SMOX: variants seen among roughly 807,000 people sequenced by gnomAD.
The protein encoded by SMOX is flavin containing amine oxidase.
SMOX carries 22 observed loss-of-function variants against 51.0 expected under a neutral mutation model. The ratio of observed to expected loss-of-function variants is 0.43; its 90% confidence interval spans 0.31 to 0.62. The LOEUF is 0.62. Ranked by LOEUF, SMOX falls within the 20% of genes least tolerant of loss-of-function variation. The pLI is 0.10. For synonymous variants in SMOX, 282 were observed against 307.8 expected, an observed-to-expected ratio of 0.92 and a Z score of 0.88; for missense variants, 566 against 777.7, an observed-to-expected ratio of 0.73 and a Z score of 3.24.
At chr20:4,160,975 G>T (rs1986283393) in intron 1 of SMOX, among the ~76,000 whole-genome samples, 1 of 152,232 alleles carries the variant, frequency 6.6e-6, no homozygotes, top group Non-Finnish European at 1.5e-5. Context: ...GTTGGGCTTT[G>T]TGCAGAGTCA....
chr20:4,175,306 C>T, intron 2 of SMOX, 43 bp downstream of exon 2: 5 of 1,579,478 alleles, frequency 3.2e-6, no homozygotes, highest in African/African-American at 1.3e-5. Context: ...CCCAGGTCAC[C>T]TTTAGTCTCC....
chr20:4,171,506 G>A (rs1014266018), intron 1 of SMOX, among the ~76,000 whole-genome samples: 1 of 152,192 alleles, frequency 6.6e-6, no homozygotes, highest in African/African-American at 2.4e-5. Flanking sequence ...GGGCTGTGTA[G>A]GGGGCTCCTC....
Position 4,153,808 on chromosome 20 carries a change from C to T in SMOX, c.-27+4831C>T, listed in dbSNP as rs553393887. On this transcript the variant is annotated intron_variant, in intron 1 of 6. Coordinates refer to ENST00000305958, the MANE Select transcript of SMOX (RefSeq NM_175839.3). The surrounding 1 kb of genome is among the most constrained non-coding windows in gnomAD (Gnocchi z 4.4). ...CTGTCCACGGTGCCCAAGTCCTTGT[C>T]TGCTGAGTCGAAGTGAAGGCTGTGG... Among the ~76,000 whole-genome samples, 3 of 152,264 alleles carry T rather than the reference C, an allele frequency of 2.0e-5. No homozygotes were observed. The highest frequency in any genetic ancestry group is 4.4e-5 in the Non-Finnish European group (3 of 68,008).
intron 1 of SMOX, among the ~76,000 whole-genome samples, chr20:4,156,414 T>G (rs1403334906): frequency 6.6e-6 from 1 of 152,092 alleles, no homozygotes; most frequent in Non-Finnish European, 1.5e-5. Context: ...GAGAGAGAGA[T>G]GCCAGGCTCC....
Position 4,153,305 on chromosome 20 carries a change from A to G in SMOX, c.-27+4328A>G, listed in dbSNP as rs1985853984. On this transcript the variant is annotated intron_variant, in intron 1 of 6. Transcript: ENST00000305958. This position sits in a 1 kb window ranked among gnomAD's most constrained non-coding sequence, Gnocchi z 4.4. ...TTCTGGGTTTAGCATTGCCCTCGTC[A>G]TCTGCCTGTAAAATGGGATTAGAGG... Among the ~76,000 whole-genome samples, 1 of 152,200 alleles carries G rather than the reference A, an allele frequency of 6.6e-6. No individual in the cohort carries two copies.
chr20:4,181,097 C>T lies in SMOX; in HGVS notation c.436-706C>T, dbSNP rs773694904. Among the ~76,000 whole-genome samples, 5 of 152,188 alleles carry T rather than the reference C, an allele frequency of 3.3e-5. No homozygotes were observed. Among genetic ancestry groups the T allele is most frequent in the Admixed American group, 1.3e-4 (2 of 15,280 alleles). ...GACCCCTTTTCAAGTGACTGATCGT[C>T]GTTATCTGTTGATGAGGTGTGGGCT... On this transcript the variant is annotated intron_variant, in intron 3 of 6. Coordinates refer to ENST00000305958, the MANE Select transcript of SMOX (RefSeq NM_175839.3). The surrounding 1 kb of genome is among the most constrained non-coding windows in gnomAD (Gnocchi z 5.6).
At chr20:4,175,374 C>T (rs1389656448) in intron 2 of SMOX, 111 bp downstream of exon 2, 1 of 1,268,168 alleles carries the variant, frequency 7.9e-7, no homozygotes, top group African/African-American at 1.5e-5. Flanking sequence ...AATGTTCCAT[C>T]ATGCATCCTG....
At chr20:4,180,165 G>T (rs1009209706) in intron 3 of SMOX, among the ~76,000 whole-genome samples, 7 of 152,204 alleles carry the variant, frequency 4.6e-5, no homozygotes, top group Non-Finnish European at 7.3e-5. Flanking sequence ...TCCAGCTAAG[G>T]CTCACCACTC....
chr20:4,149,943 A>G lies in SMOX; in HGVS notation c.-27+966A>G, dbSNP rs73893380. Among the ~76,000 whole-genome samples the G allele has an allele frequency of 0.067, 10,128 of 152,084 alleles. 720 individuals are homozygous for G. Among genetic ancestry groups the G allele is most frequent in the African/African-American group, 0.17 (6,929 of 41,474 alleles). On this transcript the variant is annotated intron_variant, in intron 1 of 6. Transcript: ENST00000305958. This position sits in a 1 kb window ranked among gnomAD's most constrained non-coding sequence, Gnocchi z 6.0. ...AAAGTGTGTGCAGTGAAGCCCCCAC[A>G]TTTGCATTCGGCCACCACTGCCCCC...
Position 4,175,105 on chromosome 20 carries a change from G to T in SMOX, c.50G>T (p.Arg17Leu). 2.5e-6 allele frequency: 4 copies of T among 1,614,242 alleles called. No individual in the cohort carries two copies. Among genetic ancestry groups the T allele is most frequent in the Non-Finnish European group, 2.5e-6 (3 of 1,180,050 alleles). ...SGDSADDPLS[R>L]GLRRRGQPRV... Reference sequence around the variant, plus strand: ...GACAGTGCGGATGACCCTCTCAGTCGCGGCCTACGGAGAAGGGGACAGCCT... The same window carrying T: ...GACAGTGCGGATGACCCTCTCAGTCTCGGCCTACGGAGAAGGGGACAGCCT... Residue 17 changes from arginine (R) to leucine (L), a missense_variant, in exon 2 of 7, where the codon CGC becomes CTC. Physicochemically the swap from Arg to Leu is moderately radical, Grantham distance 102. Coordinates refer to ENST00000305958, the MANE Select transcript of SMOX (RefSeq NM_175839.3).
intron 1 of SMOX, among the ~76,000 whole-genome samples, chr20:4,169,261 C>T (rs1019911581): frequency 3.3e-5 from 5 of 152,156 alleles, no homozygotes; most frequent in African/African-American, 4.8e-5. Flanking sequence ...CCTTGCCTCC[C>T]AAAGTGCCGC....
chr20:4,183,800 C>T lies in SMOX; in HGVS notation c.1530+146C>T. On this transcript the variant is annotated intron_variant, in intron 6 of 6. Transcript: ENST00000305958. This position sits in a 1 kb window ranked among gnomAD's most constrained non-coding sequence, Gnocchi z 4.3. ...GAGTAGCTTCTGTAATGAGAGAGAA[C>T]ACAAGGAAAAAAGTGTGCACTTAAT... The T allele has an allele frequency of 1.1e-6, 1 of 897,612 alleles. No homozygotes were observed. Among genetic ancestry groups the T allele is most frequent in the Non-Finnish European group, 1.5e-6 (1 of 646,808 alleles). 55.6% of individuals were successfully genotyped at this position (897,612 alleles called of 1,614,324 possible).
intron 1 of SMOX, among the ~76,000 whole-genome samples, chr20:4,164,813 C>T (rs1986485188): frequency 6.6e-6 from 1 of 152,130 alleles, no homozygotes; most frequent in African/African-American, 2.4e-5. Context: ...TTGGCCCTCC[C>T]CTGCCAGTGG....
chr20:4,184,935 T>C (rs1454799528), intron 6 of SMOX, among the ~76,000 whole-genome samples: 1 of 152,230 alleles, frequency 6.6e-6, no homozygotes, highest in East Asian at 1.9e-4. Flanking sequence ...CAAGACCATC[T>C]TGTGGTCCAA....
chr20:4,150,206 G>A (rs537920319), intron 1 of SMOX, among the ~76,000 whole-genome samples: 40 of 152,164 alleles, frequency 2.6e-4, no homozygotes, highest in African/African-American at 9.6e-4. Flanking sequence ...CTCCAGCTTC[G>A]GACCTTCTTC....
chr20:4,182,374 G>A lies in SMOX; in HGVS notation c.895G>A (p.Glu299Lys). The change falls in exon 5 of 7, where the codon GAG (glutamate) becomes AAG (lysine). Residue 299 changes from glutamate (E) to lysine (K), a missense_variant. By Grantham distance (56) the Glu-to-Lys change is moderately conservative (BLOSUM62 1). Transcript: ENST00000305958. This position sits in a 1 kb window ranked among gnomAD's most constrained non-coding sequence, Gnocchi z 8.4. The stretch of plus-strand genomic sequence containing the variant: ...TGGGGAGGGTGGCCAGGGTGGAGAG[G>A]AGCCCCGGGGGGGCAGGTGGGATGA... Reference protein sequence around the residue: ...DTGEGGQGGEEPRGGRWDEDE... With the variant: ...DTGEGGQGGEKPRGGRWDEDE... 6.3e-7 allele frequency: 1 copy of A among 1,596,184 alleles called. No homozygotes were observed. The highest frequency in any genetic ancestry group is 1.7e-4 in the Middle Eastern group (1 of 5,958).
intron 1 of SMOX, among the ~76,000 whole-genome samples, chr20:4,164,211 A>AG (rs1242718938): frequency 1.3e-5 from 2 of 152,102 alleles, no homozygotes; most frequent in Non-Finnish European, 2.9e-5. Context: ...ATCATTCTGC[A>AG]GGGGGATCTG....
chr20:4,181,730 T>G lies in SMOX; in HGVS notation c.436-73T>G. 6.5e-7 allele frequency: 1 copy of G among 1,549,316 alleles called. No individual in the cohort carries two copies. ...AGGGGACACCTGGGAACTGGTGGGTTTGGGTTGGGGGCCTTCTGTTTGAGA... is the reference window on the plus strand; with the variant it reads ...AGGGGACACCTGGGAACTGGTGGGTGTGGGTTGGGGGCCTTCTGTTTGAGA... On this transcript the variant is annotated intron_variant, in intron 3 of 6. Coordinates refer to ENST00000305958, the MANE Select transcript of SMOX (RefSeq NM_175839.3). The surrounding 1 kb of genome is among the most constrained non-coding windows in gnomAD (Gnocchi z 5.6).
rs1986787806 is a variant in SMOX, at chr20:4,170,716, CG to C, written c.-26-4310del. ...CGTCTTTGGCAACCCTGCCACAGGACGGGGTTTTTCCTCCCTCTTTTCCTCT... is the reference window on the plus strand; with the variant it reads ...CGTCTTTGGCAACCCTGCCACAGGACGGGTTTTTCCTCCCTCTTTTCCTCT... On this transcript the variant is annotated intron_variant, in intron 1 of 6. Transcript: ENST00000305958. This position sits in a 1 kb window ranked among gnomAD's most constrained non-coding sequence, Gnocchi z 4.6. Among the ~76,000 whole-genome samples, 1 of 152,164 alleles carries C rather than the reference CG, an allele frequency of 6.6e-6. No individual in the cohort carries two copies. The highest frequency in any genetic ancestry group is 1.5e-5 in the Non-Finnish European group (1 of 68,032).
Sources: gnomAD v4.1 joint callset for allele counts (sites outside exome capture counted in the v4.1 genomes callset) on GRCh38, gnomAD v4.1.1 for gene constraint, Gnocchi (gnomAD v3.1) non-coding constraint, MANE v1.5 for transcripts, NCBI Gene and HGNC (gene_info 2026-07-23, HGNC 2026-07-21) for gene names.